The following PKHD1 variants were observed in gnomAD, a reference collection of about 807,000 sequenced individuals.
PKHD1 encodes fibrocystin.
A neutral mutation model predicts 412.0 loss-of-function variants in PKHD1; 291 were observed. The observed-to-expected ratio is 0.71, with a 90% CI of 0.64 to 0.78. The LOEUF (loss-of-function observed/expected upper bound fraction) is 0.78, where lower values mean the gene tolerates loss of function less well. Ranked by LOEUF, PKHD1 falls within the 30% of genes least tolerant of loss-of-function variation. The probability of loss-of-function intolerance (pLI) is 0.00; values close to 1 mark genes in which losing one functional copy is unlikely to be tolerated. For missense variants in PKHD1, 4,825 were observed against 4,950.7 expected, an observed-to-expected ratio of 0.97 and a Z score of 0.76; for synonymous variants, 1,777 against 1,821.5, an observed-to-expected ratio of 0.98 and a Z score of 0.62.
chr6:51,641,131 T>C (rs964786985), intron 63 of PKHD1, among the ~76,000 whole-genome samples: 5 of 152,110 alleles, frequency 3.3e-5, no homozygotes, highest in African/African-American at 1.2e-4. Context: ...TAAAATAGGG[T>C]AGTTTGGTGA....
chr6:51,961,948 G>A (rs1343491169), intron 35 of PKHD1, among the ~76,000 whole-genome samples: 1 of 152,102 alleles, frequency 6.6e-6, no homozygotes, highest in African/African-American at 2.4e-5. Context: ...AAAAGCTCAA[G>A]AATTGGGACC....
intron 60 of PKHD1, among the ~76,000 whole-genome samples, chr6:51,694,548 CTTTT>C (rs67157925): frequency 8.0e-5 from 3 of 37,704 alleles, no homozygotes; most frequent in African/African-American, 2.2e-4. Flanking sequence ...CACAACCAGC[CTTTT>C]TTTTTTTTTT....
intron 34 of PKHD1, among the ~76,000 whole-genome samples, chr6:52,011,645 C>T (rs1799841129): frequency 6.6e-6 from 1 of 152,294 alleles, no homozygotes; most frequent in Admixed American, 6.5e-5. Context: ...TCAAACCCTA[C>T]CATCTTTTTT....
At chr6:52,021,594 C>T (rs544418725) in intron 33 of PKHD1, among the ~76,000 whole-genome samples, 1 of 152,316 alleles carries the variant, frequency 6.6e-6, no homozygotes, top group African/African-American at 2.4e-5. Context: ...AGCAGTGAAT[C>T]AGACAATGTT....
At chr6:52,039,685 AAC>A (rs1320887198) in intron 27 of PKHD1, among the ~76,000 whole-genome samples, 1 of 152,222 alleles carries the variant, frequency 6.6e-6, no homozygotes, top group Non-Finnish European at 1.5e-5. Flanking sequence ...CCATTTTGGA[AAC>A]AGTTTGGCAA....
chr6:51,747,888 A>C lies in PKHD1; in HGVS notation c.9728T>G (p.Ile3243Ser). Residue 3243 changes from isoleucine to serine, a missense_variant, in exon 58 of 67, where the codon ATT becomes AGT. Ile to Ser is a moderately radical substitution (Grantham distance 142). Transcript: ENST00000371117. The part of the protein sequence containing the change: ...PSNPRGGRIG[I>S]LWPVFTSEPN... ...TTCTGAGGTGAATACAGGCCACAGA[A>C]TACCAATTCGACCTCCTCTTGGATT... 1 of 1,614,016 alleles carries C rather than the reference A, an allele frequency of 6.2e-7. No individual in the cohort carries two copies. The highest frequency in any genetic ancestry group is 8.5e-7 in the Non-Finnish European group (1 of 1,179,934).
At chr6:51,972,815 C>A (rs555293664) in intron 35 of PKHD1, among the ~76,000 whole-genome samples, 1 of 152,244 alleles carries the variant, frequency 6.6e-6, no homozygotes, top group South Asian at 2.1e-4. Context: ...CTGACTTGAG[C>A]AACATTAGAG....
At chr6:52,084,454 T>A (rs990682011) in intron 2 of PKHD1, among the ~76,000 whole-genome samples, 3 of 152,156 alleles carry the variant, frequency 2.0e-5, no homozygotes, top group Admixed American at 6.5e-5. Flanking sequence ...ATACAAGCAA[T>A]CTAATGATTA....
At chr6:51,969,904 T>C (rs534181680) in intron 35 of PKHD1, among the ~76,000 whole-genome samples, 4 of 152,326 alleles carry the variant, frequency 2.6e-5, no homozygotes, top group Non-Finnish European at 4.4e-5. Flanking sequence ...ATCACCTGAA[T>C]GAAGGTATCT....
chr6:52,016,062 A>G (rs1800487857), intron 34 of PKHD1, among the ~76,000 whole-genome samples: 1 of 152,172 alleles, frequency 6.6e-6, no homozygotes, highest in Non-Finnish European at 1.5e-5. Context: ...ACTGACATGT[A>G]CTTCCTGGTG....
chr6:51,693,436 T>C (rs1160958590), intron 60 of PKHD1, among the ~76,000 whole-genome samples: 1 of 152,214 alleles, frequency 6.6e-6, no homozygotes, highest in African/African-American at 2.4e-5. Flanking sequence ...TTCTAACATT[T>C]ACCTAGAACT....
At chr6:51,905,328 T>G (rs1781913279) in intron 41 of PKHD1, among the ~76,000 whole-genome samples, 1 of 152,146 alleles carries the variant, frequency 6.6e-6, no homozygotes, top group Non-Finnish European at 1.5e-5. Flanking sequence ...CCTCAAGAAA[T>G]CCGGTGGTAT....
At chr6:51,823,430 G>C (rs1255988564) in intron 52 of PKHD1, among the ~76,000 whole-genome samples, 1 of 152,076 alleles carries the variant, frequency 6.6e-6, no homozygotes, top group Non-Finnish European at 1.5e-5. Context: ...TGTTTCTCAG[G>C]TGAGTGAAAA....
At chr6:51,716,673 A>G (rs1431108227) in intron 60 of PKHD1, among the ~76,000 whole-genome samples, 1 of 151,648 alleles carries the variant, frequency 6.6e-6, no homozygotes, top group Non-Finnish European at 1.5e-5. Flanking sequence ...CCCTTATTCC[A>G]TTGGACTCAG....
At chr6:51,982,590 T>C (rs1438240914) in intron 35 of PKHD1, among the ~76,000 whole-genome samples, 6 of 146,550 alleles carry the variant, frequency 4.1e-5, no homozygotes, top group Non-Finnish European at 9.0e-5. Context: ...ATGTGCTTTG[T>C]TAAACAGATG....
Position 51,885,925 on chromosome 6 carries a change from A to T in PKHD1, c.7157T>A (p.Val2386Asp), listed in dbSNP as rs1370870776. ...GCTCTGGAACAGAGTGGTGCCAGTG[A>T]CATTATCCCAAGGTGGCTGAAATTT... is the stretch of plus-strand genomic sequence containing the variant. Reference protein sequence around the residue: ...YPKFQPPWDNVTGTTLFQSFT... With the variant: ...YPKFQPPWDNDTGTTLFQSFT... Residue 2386 changes from valine (V) to aspartate (D), a missense_variant, in exon 45 of 67, where the codon GTC becomes GAC. Coordinates refer to ENST00000371117, the MANE Select transcript of PKHD1 (RefSeq NM_138694.4). 2 of 1,613,682 alleles carry T rather than the reference A, an allele frequency of 1.2e-6. No individual in the cohort carries two copies. Among genetic ancestry groups the T allele is most frequent in the Non-Finnish European group, 1.7e-6 (2 of 1,179,618 alleles).
At chr6:51,889,419 G>A (rs532138640) in intron 43 of PKHD1, among the ~76,000 whole-genome samples, 1 of 152,210 alleles carries the variant, frequency 6.6e-6, no homozygotes, top group Non-Finnish European at 1.5e-5. Flanking sequence ...AAACTTTCGT[G>A]TGCAACCTGG....
rs542147716 is a variant in PKHD1 at position 51,646,873 on chromosome 6, T to G, written c.11398+1158A>C. ...CTCAGGAGGTTCACTCTTGCCATTC[T>G]CCAATCCACCCTCCATAGAGCAGAG... is the stretch of plus-strand genomic sequence containing the variant. On this transcript the variant is annotated intron_variant, in intron 63 of 66. Transcript: ENST00000371117. 8.5e-5 allele frequency among the ~76,000 whole-genome samples: 13 copies of G among 152,264 alleles called. 1 individual carries two copies. Among genetic ancestry groups the G allele is most frequent in the African/African-American group, 2.6e-4 (11 of 41,562 alleles).
At chr6:51,853,628 T>C (rs537331817) in intron 49 of PKHD1, among the ~76,000 whole-genome samples, 41 of 152,346 alleles carry the variant, frequency 2.7e-4, no homozygotes, top group Middle Eastern at 6.8e-3. Flanking sequence ...TTCCTTTACA[T>C]TCTTTTTTCT....
Sources: allele counts gnomAD v4.1 joint callset (sites outside exome capture counted in the v4.1 genomes callset), GRCh38; gene constraint gnomAD v4.1.1; transcripts MANE v1.5; gene names NCBI Gene and HGNC (gene_info 2026-07-23, HGNC 2026-07-21).